CCSER1: variants seen among roughly 807,000 people sequenced by gnomAD.
CCSER1 encodes the protein coiled-coil serine rich protein 1.
Under a neutral mutation model 82.0 loss-of-function variants are expected in CCSER1, and 41 were observed. The ratio of observed to expected loss-of-function variants is 0.50; its 90% CI spans 0.39 to 0.65. The LOEUF (loss-of-function observed/expected upper bound fraction) is 0.65. CCSER1 is among the 30% of genes least tolerant of loss of function. The probability of loss-of-function intolerance (pLI) is 0.00; values close to 1 mark genes in which losing one functional copy is unlikely to be tolerated. For synonymous variants in CCSER1, 414 were observed against 383.9 expected (o/e 1.08, Z -0.92); for missense variants, 1,119 against 1,064.2 (o/e 1.05, Z -0.72).
chr4:90,494,702 AT>A (rs1406821778), intron 5 of CCSER1, among the ~76,000 whole-genome samples: 2 of 152,164 alleles, frequency 1.3e-5, no homozygotes, highest in African/African-American at 4.8e-5. Flanking sequence ...GTGCTCAGTA[AT>A]TTTATTGAAG....
At chr4:90,336,362 T>C (rs578095437) in intron 3 of CCSER1, among the ~76,000 whole-genome samples, 1 of 152,308 alleles carries the variant, frequency 6.6e-6, no homozygotes, top group African/African-American at 2.4e-5. Flanking sequence ...ATTCCAAACA[T>C]AGGACTCTAC....
chr4:90,381,421 A>T (rs1389882552), intron 3 of CCSER1, among the ~76,000 whole-genome samples: 1 of 152,208 alleles, frequency 6.6e-6, no homozygotes, highest in Non-Finnish European at 1.5e-5. Context: ...ACAGCTTTGT[A>T]AAAATATAAA....
At chr4:91,159,175 C>T (rs1731121010) in intron 10 of CCSER1, among the ~76,000 whole-genome samples, 1 of 151,940 alleles carries the variant, frequency 6.6e-6, no homozygotes, top group East Asian at 1.9e-4. Context: ...GTTCTCCGGG[C>T]TTCAGCAACT....
intron 1 of CCSER1, among the ~76,000 whole-genome samples, chr4:90,271,864 T>TATGTATATATATATATATA (rs1560920274): frequency 3.5e-5 from 1 of 28,610 alleles, no homozygotes; most frequent in Non-Finnish European, 5.2e-5. Context: ...ATATATATAT[T>TATGTATATATATATATATA]TTTTTTTTTT....
intron 10 of CCSER1, among the ~76,000 whole-genome samples, chr4:91,496,408 T>C (rs1231050306): frequency 6.7e-6 from 1 of 150,050 alleles, no homozygotes; most frequent in Non-Finnish European, 1.5e-5. Flanking sequence ...TATGCTTCTT[T>C]TCATTTTGAG....
At chr4:91,136,069 T>C (rs1728442388) in intron 10 of CCSER1, among the ~76,000 whole-genome samples, 1 of 152,178 alleles carries the variant, frequency 6.6e-6, no homozygotes, top group Admixed American at 6.5e-5. Context: ...AATTTTAGTT[T>C]CCAAATCCTT....
At chr4:90,338,359 C>A (rs1740783829) in intron 3 of CCSER1, among the ~76,000 whole-genome samples, 1 of 152,150 alleles carries the variant, frequency 6.6e-6, no homozygotes, top group Admixed American at 6.6e-5. Flanking sequence ...ATTTTCTTTT[C>A]CTTCTGCTTT....
At chr4:91,594,347 A>G (rs1298107971) in intron 10 of CCSER1, among the ~76,000 whole-genome samples, 1 of 144,762 alleles carries the variant, frequency 6.9e-6, no homozygotes, top group Non-Finnish European at 1.5e-5. Flanking sequence ...ATATATATAC[A>G]TATATATACA....
In CCSER1 at chr4:90,551,706, C is replaced by CTCTCTATATATA; in HGVS notation, c.1725-76318_1725-76317insCTCTATATATAT. ...TCTCTCTCTCTCTCTCTCTCTCTCT[C>CTCTCTATATATA]TATATATATATATATATATATGTAA... On this transcript the variant is annotated intron_variant, in intron 5 of 10. Transcript: ENST00000509176. 2.0e-3 allele frequency among the ~76,000 whole-genome samples: 209 copies of CTCTCTATATATA among 104,208 alleles called. 1 individual carries two copies. The highest frequency in any genetic ancestry group is 7.1e-3 in the East Asian group (26 of 3,686). 68.4% of individuals were successfully genotyped at this position (104,208 alleles called of 152,430 possible). A position where few individuals can be genotyped will look rare whatever the true frequency, so the allele number is the denominator to read the frequency against.
At chr4:90,410,955 C>T (rs547141586) in intron 4 of CCSER1, among the ~76,000 whole-genome samples, 2 of 152,290 alleles carry the variant, frequency 1.3e-5, no homozygotes, top group East Asian at 1.9e-4. Context: ...CACCACTGAT[C>T]CCACAGAAAT....
chr4:90,156,931 T>G (rs1728332874), intron 1 of CCSER1, among the ~76,000 whole-genome samples: 1 of 152,190 alleles, frequency 6.6e-6, no homozygotes, highest in South Asian at 2.1e-4. Context: ...GTTAGCTGGT[T>G]ATTTTGCTCG....
At position 90,995,937 on chromosome 4, in the gene CCSER1, C is replaced by T. The variant is rs190359433; in HGVS notation, c.2172+72490C>T. Among the ~76,000 whole-genome samples, 602 of 152,130 alleles carry T rather than the reference C, an allele frequency of 4.0e-3. 7 individuals are homozygous for T. Among genetic ancestry groups the T allele is most frequent in the African/African-American group, 0.014 (577 of 41,532 alleles). ...AGATATGCAACTATATATGTATAAG[C>T]ATCACCTCTGTGTATAATTTTCAAT... On this transcript the variant is annotated intron_variant, in intron 9 of 10. Coordinates refer to ENST00000509176, the MANE Select transcript of CCSER1 (RefSeq NM_001145065.2).
chr4:90,917,855 T>G (rs1727735909), intron 8 of CCSER1, among the ~76,000 whole-genome samples: 1 of 152,130 alleles, frequency 6.6e-6, no homozygotes, highest in South Asian at 2.1e-4. Flanking sequence ...TTGAATTATA[T>G]TACTTTTCAA....
rs193252292 is a variant in CCSER1, at chr4:90,843,860, C to T, written c.2094+28015C>T. Among the ~76,000 whole-genome samples, 333 of 152,096 alleles carry T rather than the reference C, an allele frequency of 2.2e-3. 1 individual carries two copies. The highest frequency in any genetic ancestry group is 2.8e-3 in the Admixed American group (42 of 15,262). On this transcript the variant is annotated intron_variant, in intron 8 of 10. Transcript: ENST00000509176. ...TTTGTTCTGTAATTATTACTGCACT[C>T]CTTTAAGAAAATTTAACTATCTGAT...
chr4:90,604,224 A>AT (rs570338045), intron 5 of CCSER1, among the ~76,000 whole-genome samples: 3 of 151,966 alleles, frequency 2.0e-5, no homozygotes, highest in African/African-American at 2.4e-5. Flanking sequence ...CAAAATCTGT[A>AT]TTTTTTTTCT....
rs187785289 is a variant in CCSER1, at chr4:90,499,114, A to G, written c.1724+30760A>G. On this transcript the variant is annotated intron_variant, in intron 5 of 10. Coordinates refer to ENST00000509176, the MANE Select transcript of CCSER1 (RefSeq NM_001145065.2). ...TATGTGTGTGTATATGTATGTGTAT[A>G]TGTGTGTGTGTGTGTGTGCATATGT... Among the ~76,000 whole-genome samples, 559 of 150,130 alleles carry G rather than the reference A, an allele frequency of 3.7e-3. 4 individuals carry two copies. Among genetic ancestry groups the G allele is most frequent in the African/African-American group, 0.013 (526 of 41,050 alleles).
intron 3 of CCSER1, among the ~76,000 whole-genome samples, chr4:90,320,484 G>A (rs1014324766): frequency 1.3e-5 from 2 of 152,100 alleles, no homozygotes; most frequent in Non-Finnish European, 2.9e-5. Context: ...AGGATTATCA[G>A]CCTTATAGAA....
chr4:90,211,221 G>T lies in CCSER1; in HGVS notation c.-42+83390G>T, dbSNP rs141386777. ...ATCCCCATGTGCAACAAGATCAGCA[G>T]ATCTTCAATTCTCAACTTTAAGAAC... On this transcript the variant is annotated intron_variant, in intron 1 of 10. Coordinates refer to ENST00000509176, the MANE Select transcript of CCSER1 (RefSeq NM_001145065.2). Among the ~76,000 whole-genome samples, 808 of 152,292 alleles carry T rather than the reference G, an allele frequency of 5.3e-3. 1 individual carries two copies. Among genetic ancestry groups the T allele is most frequent in the Non-Finnish European group, 8.5e-3 (576 of 68,026 alleles).
intron 9 of CCSER1, among the ~76,000 whole-genome samples, chr4:91,013,258 A>T (rs1484499885): frequency 7.5e-6 from 1 of 133,860 alleles, no homozygotes; most frequent in African/African-American, 2.5e-5. Context: ...GTGTTAAGAT[A>T]AGGGTCCAAT....
Sources: gnomAD v4.1 joint callset for allele counts (sites outside exome capture counted in the v4.1 genomes callset) on GRCh38, gnomAD v4.1.1 for gene constraint, MANE v1.5 for transcripts, NCBI Gene and HGNC (gene_info 2026-07-23, HGNC 2026-07-21) for gene names.